KCNK1: variants seen among roughly 807,000 people sequenced by gnomAD.
The protein encoded by KCNK1 is potassium two pore domain channel subfamily K member 1.
Under a neutral mutation model 22.2 loss-of-function variants are expected in KCNK1, and 10 were observed. The ratio of observed to expected loss-of-function variants is 0.45; its 90% CI spans 0.28 to 0.76. KCNK1 has a LOEUF of 0.76. KCNK1 is among the 30% of genes least tolerant of loss of function. KCNK1 has a pLI of 0.14. For synonymous variants in KCNK1, 200 were observed against 186.4 expected, an observed-to-expected ratio of 1.07 and a Z score of -0.60; for missense variants, 378 against 421.0, an observed-to-expected ratio of 0.90 and a Z score of 0.89.
At chr1:233,668,736 GC>G (rs1658542918) in intron 2 of KCNK1, among the ~76,000 whole-genome samples, 1 of 151,986 alleles carries the variant, frequency 6.6e-6, no homozygotes, top group Non-Finnish European at 1.5e-5. Flanking sequence ...CTCCCAAATA[GC>G]TGGGATTATA....
chr1:233,645,161 T>C (rs1382411985), intron 1 of KCNK1, among the ~76,000 whole-genome samples: 1 of 149,496 alleles, frequency 6.7e-6, no homozygotes, highest in Non-Finnish European at 1.5e-5. Context: ...GCCACTGCAC[T>C]CCAGCCTGGG....
intron 2 of KCNK1, among the ~76,000 whole-genome samples, chr1:233,669,683 C>G (rs1167012645): frequency 1.3e-5 from 2 of 152,108 alleles, no homozygotes; most frequent in African/African-American, 4.8e-5. Context: ...ACCATCTCTA[C>G]TAAAAATACA....
At position 233,614,138 on chromosome 1, in the gene KCNK1, T is replaced by TTG; in HGVS notation, c.-34_-33insTG. 3 of 1,258,202 alleles carry TTG rather than the reference T, an allele frequency of 2.4e-6. No individual in the cohort carries two copies. The highest frequency in any genetic ancestry group is 2.8e-4 in the Middle Eastern group (1 of 3,544). 77.9% of individuals were successfully genotyped at this position (1,258,202 alleles called of 1,614,324 possible). A position where few individuals can be genotyped will look rare whatever the true frequency, so the allele number is the denominator to read the frequency against. On this transcript the variant is annotated 5_prime_UTR_variant, in exon 1 of 3. Coordinates refer to ENST00000366621, the MANE Select transcript of KCNK1 (RefSeq NM_002245.4). ...GCGGCGGGCCGCGCTCCGGCCGGTC[T>TTG]GCGGCGTTGGCCTTGGCGGCGGCGG...
chr1:233,671,212 C>T lies in KCNK1; in HGVS notation c.752-59C>T, dbSNP rs888754496. The T allele has an allele frequency of 8.0e-6, 12 of 1,497,976 alleles. No homozygotes were observed. In the African/African-American group the frequency reaches 1.2e-4, roughly 15 times the overall value. The allele number at this position is 1,497,976 out of a possible 1,614,324, so 92.8% of individuals were successfully genotyped here. ...GCATGAGGTGGGGAGGTAAATCACTCGCTACTTGATTTATCCATGTTGAGA... is the reference window on the plus strand; with the variant it reads ...GCATGAGGTGGGGAGGTAAATCACTTGCTACTTGATTTATCCATGTTGAGA... On this transcript the variant is annotated intron_variant, in intron 2 of 2. Transcript: ENST00000366621.
intron 1 of KCNK1, chr1:233,649,819 C>T (rs1658167567): frequency 2.6e-6 from 1 of 382,948 alleles, no homozygotes; most frequent in Non-Finnish European, 5.4e-6. Context: ...GTTGGGGGAA[C>T]ACAAACATTC....
chr1:233,645,413 C>G (rs904794796), intron 1 of KCNK1, among the ~76,000 whole-genome samples: 20 of 151,958 alleles, frequency 1.3e-4, no homozygotes, highest in Admixed American at 1.3e-4. Context: ...GCCCTAAATC[C>G]AATGGGAAGT....
intron 1 of KCNK1, among the ~76,000 whole-genome samples, chr1:233,647,880 A>C (rs550874431): frequency 1.9e-4 from 29 of 152,296 alleles, no homozygotes; most frequent in Admixed American, 1.4e-3. Flanking sequence ...TCCATGTTGC[A>C]CAAGAGCTGA....
At chr1:233,649,005 T>A (rs759696173) in intron 1 of KCNK1, among the ~76,000 whole-genome samples, 5 of 152,146 alleles carry the variant, frequency 3.3e-5, no homozygotes, top group Non-Finnish European at 5.9e-5. Flanking sequence ...CCACTCAGGG[T>A]TGTTCTGAAA....
At chr1:233,650,672 C>T (rs571658255) in intron 1 of KCNK1, among the ~76,000 whole-genome samples, 2 of 151,942 alleles carry the variant, frequency 1.3e-5, no homozygotes, top group Non-Finnish European at 2.9e-5. Flanking sequence ...TCACATTTGA[C>T]AGATGAGGAA....
intron 1 of KCNK1, among the ~76,000 whole-genome samples, chr1:233,638,606 G>A (rs56915973): frequency 3.7e-4 from 57 of 152,242 alleles, no homozygotes; most frequent in African/African-American, 1.1e-3. Context: ...CCACGGTGAC[G>A]CCAGCCTCAG....
chr1:233,632,364 T>C (rs1369085437), intron 1 of KCNK1, among the ~76,000 whole-genome samples: 1 of 152,210 alleles, frequency 6.6e-6, no homozygotes, highest in Non-Finnish European at 1.5e-5. Context: ...AATTACTGGA[T>C]AGAGCAAGGA....
chr1:233,620,883 T>C (rs545398290), intron 1 of KCNK1, among the ~76,000 whole-genome samples: 1 of 152,348 alleles, frequency 6.6e-6, no homozygotes, highest in South Asian at 2.1e-4. Context: ...TTGAACCCTT[T>C]ATATGTGCCA....
rs1379040252 is a variant in KCNK1, at chr1:233,614,313, T to C, written c.142T>C (p.Tyr48His). 2 of 1,612,422 alleles carry C rather than the reference T, an allele frequency of 1.2e-6. No homozygotes were observed. The highest frequency in any genetic ancestry group is 1.3e-5 in the African/African-American group (1 of 74,898). Residue 48 changes from tyrosine to histidine, a missense_variant, in exon 1 of 3, where the codon TAT becomes CAT. By Grantham distance (83) the Tyr-to-His change is moderately conservative. Transcript: ENST00000366621. ...GGTCTTCTCCTCGGTGGAGCTGCCC[T>C]ATGAGGACCTGCTGCGCCAGGAGCT... ...AVVFSSVELP[Y>H]EDLLRQELRK... is the part of the protein sequence containing the mutation.
intron 1 of KCNK1, among the ~76,000 whole-genome samples, chr1:233,632,787 C>T (rs995131434): frequency 4.6e-5 from 7 of 152,154 alleles, no homozygotes; most frequent in Non-Finnish European, 7.3e-5. Context: ...GTGCACCTTC[C>T]TGACTGGCAA....
intron 1 of KCNK1, among the ~76,000 whole-genome samples, chr1:233,618,385 T>TG (rs559199670): frequency 1.4e-5 from 1 of 72,686 alleles, no homozygotes; most frequent in African/African-American, 5.3e-5. Context: ...CTATACTGTG[T>TG]TTTTTTTTTT....
intron 1 of KCNK1, among the ~76,000 whole-genome samples, chr1:233,642,424 C>A (rs1658014632): frequency 1.3e-5 from 2 of 152,176 alleles, no homozygotes; most frequent in Admixed American, 6.5e-5. Flanking sequence ...GGGACAAGGG[C>A]AGGTGAGCAG....
At chr1:233,620,569 G>T (rs1170677653) in intron 1 of KCNK1, among the ~76,000 whole-genome samples, 1 of 151,926 alleles carries the variant, frequency 6.6e-6, no homozygotes, top group African/African-American at 2.4e-5. Flanking sequence ...TATCTAAAAT[G>T]TGCAATAAAT....
intron 1 of KCNK1, among the ~76,000 whole-genome samples, chr1:233,661,182 C>A (rs899873897): frequency 1.3e-5 from 2 of 152,176 alleles, no homozygotes; most frequent in African/African-American, 4.8e-5. Flanking sequence ...TGATGAGTTC[C>A]CCTTGCCTAA....
intron 1 of KCNK1, among the ~76,000 whole-genome samples, chr1:233,662,890 A>AC (rs1658424965): frequency 6.6e-6 from 1 of 152,186 alleles, no homozygotes; most frequent in Non-Finnish European, 1.5e-5. Context: ...AAAAAATGTA[A>AC]CCCAAGTAAG....
Sources: allele counts gnomAD v4.1 joint callset (sites outside exome capture counted in the v4.1 genomes callset), GRCh38; gene constraint gnomAD v4.1.1; transcripts MANE v1.5; gene names NCBI Gene and HGNC (gene_info 2026-07-23, HGNC 2026-07-21).